TBC1D5: variants seen among roughly 807,000 people sequenced by gnomAD.
TBC1D5 encodes TBC1 domain family, member 5.
A neutral mutation model predicts 100.3 loss-of-function variants in TBC1D5; 75 were observed. The ratio of observed to expected loss-of-function variants is 0.75; its 90% CI spans 0.62 to 0.91. The LOEUF (loss-of-function observed/expected upper bound fraction) is 0.91. TBC1D5 is among the 40% of genes least tolerant of loss of function. The pLI is 0.00. For synonymous variants in TBC1D5, 323 were observed against 325.6 expected, an observed-to-expected ratio of 0.99 and a Z score of 0.09; for missense variants, 910 against 942.4, an observed-to-expected ratio of 0.97 and a Z score of 0.45.
intron 18 of TBC1D5, among the ~76,000 whole-genome samples, chr3:17,209,567 C>T (rs1010805844): frequency 5.9e-5 from 9 of 152,218 alleles, no homozygotes; most frequent in Non-Finnish European, 1.2e-4. Context: ...ATAGTTCCCA[C>T]GCTCCATCTT....
chr3:17,516,800 A>G lies in TBC1D5; in HGVS notation c.-35-8195T>C, dbSNP rs567930855. Among the ~76,000 whole-genome samples, 5 of 152,318 alleles carry G rather than the reference A, an allele frequency of 3.3e-5. No individual in the cohort carries two copies. In the South Asian group the frequency reaches 1.0e-3, roughly 32 times the overall value. On this transcript the variant is annotated intron_variant, in intron 2 of 21. Transcript: ENST00000253692. ...CTAAACATCGCTCTGGGAAATGCTTACTTATCTCCTCTTTAAGAGGTCCTA... is the reference window on the plus strand; with the variant it reads ...CTAAACATCGCTCTGGGAAATGCTTGCTTATCTCCTCTTTAAGAGGTCCTA...
At chr3:17,233,820 C>G in intron 17 of TBC1D5, 70 bp from the exon 18 acceptor site, 2 of 919,460 alleles carry the variant, frequency 2.2e-6, no homozygotes, top group Non-Finnish European at 3.4e-6. Flanking sequence ...TTCTTTTATA[C>G]TGAATGTTCT....
At chr3:17,544,329 T>C (rs2096390960) in intron 2 of TBC1D5, among the ~76,000 whole-genome samples, 1 of 152,170 alleles carries the variant, frequency 6.6e-6, no homozygotes. Context: ...TTATCAATAA[T>C]ATTTAGATAA....
At chr3:17,706,513 G>A (rs921398253) in intron 1 of TBC1D5, among the ~76,000 whole-genome samples, 1 of 152,012 alleles carries the variant, frequency 6.6e-6, no homozygotes, top group African/African-American at 2.4e-5. Context: ...CCCTTACAAT[G>A]TATCATGTAC....
chr3:17,216,167 A>G (rs1295661980), intron 17 of TBC1D5, among the ~76,000 whole-genome samples: 1 of 152,074 alleles, frequency 6.6e-6, no homozygotes, highest in Non-Finnish European at 1.5e-5. Flanking sequence ...CTTTAAGGAA[A>G]TATTTGTGAC....
intron 13 of TBC1D5, chr3:17,338,365 C>A (rs1002929019): frequency 2.6e-5 from 4 of 152,280 alleles, no homozygotes; most frequent in African/African-American, 9.6e-5. Context: ...TACTTATATA[C>A]TGAAAAATAA....
chr3:17,524,319 A>G (rs2096102523), intron 2 of TBC1D5, among the ~76,000 whole-genome samples: 1 of 152,230 alleles, frequency 6.6e-6, no homozygotes. Context: ...TTTTGATGCT[A>G]ATGAACTTGA....
chr3:17,574,913 C>T (rs1423525050), intron 2 of TBC1D5, among the ~76,000 whole-genome samples: 1 of 152,094 alleles, frequency 6.6e-6, no homozygotes, highest in East Asian at 1.9e-4. Flanking sequence ...AAGTGAGGAC[C>T]ACACTGAAAA....
intron 1 of TBC1D5, among the ~76,000 whole-genome samples, chr3:17,695,875 GA>G (rs1404626452): frequency 6.6e-6 from 1 of 152,116 alleles, no homozygotes; most frequent in Non-Finnish European, 1.5e-5. Flanking sequence ...AAATGTAAAA[GA>G]ACATAAATCA....
At chr3:17,535,163 G>A (rs897281775) in intron 2 of TBC1D5, among the ~76,000 whole-genome samples, 1 of 152,114 alleles carries the variant, frequency 6.6e-6, no homozygotes, top group South Asian at 2.1e-4. Context: ...TGTGTATAGT[G>A]ACCTACATGC....
intron 2 of TBC1D5, among the ~76,000 whole-genome samples, chr3:17,605,833 TTTATG>T (rs1475942518): frequency 2.6e-5 from 4 of 152,202 alleles, no homozygotes; most frequent in African/African-American, 7.2e-5. Context: ...AGAAATTATA[TTTATG>T]TTATGTGTAA....
At chr3:17,356,255 T>C (rs2091202712) in intron 13 of TBC1D5, among the ~76,000 whole-genome samples, 1 of 152,176 alleles carries the variant, frequency 6.6e-6, no homozygotes, top group Non-Finnish European at 1.5e-5. Flanking sequence ...TATTGAGCTT[T>C]TGCTGAAATA....
At chr3:17,453,536 TA>T (rs979733706) in intron 3 of TBC1D5, among the ~76,000 whole-genome samples, 4 of 152,006 alleles carry the variant, frequency 2.6e-5, no homozygotes, top group Non-Finnish European at 5.9e-5. Context: ...TATAAGACAA[TA>T]AATTGGACAA....
At chr3:17,578,127 A>G (rs13320533) in intron 2 of TBC1D5, among the ~76,000 whole-genome samples, 1 of 152,096 alleles carries the variant, frequency 6.6e-6, no homozygotes, top group African/African-American at 2.4e-5. Context: ...ACATTTGACT[A>G]TAAATGATAT....
At chr3:17,547,602 A>G (rs62248271) in intron 2 of TBC1D5, among the ~76,000 whole-genome samples, 17 of 152,202 alleles carry the variant, frequency 1.1e-4, no homozygotes, top group Non-Finnish European at 1.9e-4. Flanking sequence ...ATGATAGTTA[A>G]GTACTATACA....
chr3:17,428,622 C>T (rs2121262), intron 3 of TBC1D5, 103 bp from the exon 4 acceptor site: 182,150 of 390,638 alleles, frequency 0.47, 45,598 homozygotes, highest in African/African-American at 0.68. Context: ...AAAAAGCATA[C>T]ATCCTCTCCC....
intron 18 of TBC1D5, among the ~76,000 whole-genome samples, chr3:17,190,596 T>A (rs1028332930): frequency 6.6e-6 from 1 of 152,118 alleles, no homozygotes; most frequent in African/African-American, 2.4e-5. Flanking sequence ...TCACTTCACA[T>A]AATTATGTTT....
chr3:17,506,419 A>G (rs1379178139), intron 3 of TBC1D5, among the ~76,000 whole-genome samples: 1 of 152,160 alleles, frequency 6.6e-6, no homozygotes, highest in Non-Finnish European at 1.5e-5. Flanking sequence ...ATATATTTTT[A>G]ACAGTTGACA....
rs998833074 is a variant in TBC1D5, at chr3:17,588,608, C to G, written c.-36+35241G>C. 3.3e-5 allele frequency among the ~76,000 whole-genome samples: 5 copies of G among 152,120 alleles called. No homozygotes were observed. The South Asian group carries it at 1.0e-3, about 32-fold the overall frequency. On this transcript the variant is annotated intron_variant, in intron 2 of 21. Coordinates refer to ENST00000253692, the Ensembl canonical transcript of TBC1D5. Reference sequence around the variant, plus strand: ...TTTAACGCACAAATGCTCAGACCACCTCTTTTTTCTGCTGACTGTGCCTCT... The same window carrying G: ...TTTAACGCACAAATGCTCAGACCACGTCTTTTTTCTGCTGACTGTGCCTCT...
Sources: gnomAD v4.1 joint callset for allele counts (sites outside exome capture counted in the v4.1 genomes callset) on GRCh38, gnomAD v4.1.1 for gene constraint, MANE v1.5 for transcripts, NCBI Gene and HGNC (gene_info 2026-07-23, HGNC 2026-07-21) for gene names.